ANAPC10: variants seen among roughly 807,000 people sequenced by gnomAD.
ANAPC10 encodes anaphase-promoting complex subunit 10.
In ANAPC10, 12 loss-of-function variants were observed where a neutral mutation model predicts 22.0. The observed-to-expected ratio is 0.55, with a 90% CI of 0.35 to 0.88. The LOEUF is 0.88. Among genes scored for constraint, ANAPC10 ranks in the 40% least tolerant of loss-of-function variants. ANAPC10 has a pLI of 0.01. For synonymous variants in ANAPC10, 65 were observed against 69.5 expected (o/e 0.94, Z 0.32); for missense variants, 188 against 220.9 (o/e 0.85, Z 0.94).
intron 4 of ANAPC10, among the ~76,000 whole-genome samples, chr4:145,015,150 C>G (rs901710780): frequency 6.6e-6 from 1 of 151,660 alleles, no homozygotes; most frequent in Admixed American, 6.6e-5. Context: ...CGAGAGGCAC[C>G]AGAGAAAGGC....
At chr4:145,079,931 T>C (rs569851742) in intron 3 of ANAPC10, among the ~76,000 whole-genome samples, 1 of 151,944 alleles carries the variant, frequency 6.6e-6, no homozygotes, top group African/African-American at 2.4e-5. Flanking sequence ...CTGGCCAACA[T>C]GGTGAAACCT....
At chr4:145,044,403 TTCTC>T (rs1490367201) in intron 4 of ANAPC10, among the ~76,000 whole-genome samples, 4 of 152,084 alleles carry the variant, frequency 2.6e-5, no homozygotes, top group African/African-American at 7.2e-5. Flanking sequence ...AAATGTGTGT[TTCTC>T]TCTAACGTTT....
At chr4:144,998,540 G>T (rs957339346) in intron 4 of ANAPC10, among the ~76,000 whole-genome samples, 9 of 152,134 alleles carry the variant, frequency 5.9e-5, no homozygotes, top group Non-Finnish European at 1.0e-4. Flanking sequence ...CAAAATGAAG[G>T]CAGAAATAAA....
chr4:145,049,201 T>C (rs950076534), intron 4 of ANAPC10, among the ~76,000 whole-genome samples: 4 of 152,214 alleles, frequency 2.6e-5, no homozygotes, highest in African/African-American at 9.6e-5. Flanking sequence ...AGGCAGAGTA[T>C]CTCACCTTAA....
At position 145,081,757 on chromosome 4, in the gene ANAPC10, A is replaced by G. The variant is rs1453348981; in HGVS notation, c.116-7T>C. ...AACTGATCCACTCCAAATCCTAAAA[A>G]CACCAAAAGTGTCAATAAATCCCTG... On this transcript the variant is annotated splice_polypyrimidine_tract_variant and splice_region_variant and intron_variant, in intron 2 of 4. Transcript: ENST00000507656. 2 of 1,600,476 alleles carry G rather than the reference A, an allele frequency of 1.2e-6. No individual in the cohort carries two copies. Among genetic ancestry groups the G allele is most frequent in the Non-Finnish European group, 1.7e-6 (2 of 1,169,894 alleles).
At chr4:145,027,629 G>A (rs965790220) in intron 4 of ANAPC10, among the ~76,000 whole-genome samples, 12 of 152,150 alleles carry the variant, frequency 7.9e-5, no homozygotes, top group African/African-American at 2.9e-4. Context: ...GAGAAAAATA[G>A]ATCACATGCA....
chr4:145,030,586 G>A (rs542078761), intron 4 of ANAPC10, among the ~76,000 whole-genome samples: 1 of 152,258 alleles, frequency 6.6e-6, no homozygotes, highest in East Asian at 1.9e-4. Flanking sequence ...GCTTAGGTCT[G>A]ACTTACACTG....
chr4:145,042,323 A>G (rs893141489), intron 4 of ANAPC10, among the ~76,000 whole-genome samples: 8 of 152,190 alleles, frequency 5.3e-5, no homozygotes, highest in Non-Finnish European at 1.0e-4. Flanking sequence ...TGACTAACTC[A>G]TAACAATACT....
intron 4 of ANAPC10, among the ~76,000 whole-genome samples, chr4:145,005,689 C>G (rs148351709): frequency 6.6e-6 from 1 of 152,216 alleles, no homozygotes; most frequent in Non-Finnish European, 1.5e-5. Context: ...CAAATAATTT[C>G]TTGATTTCTG....
intron 4 of ANAPC10, among the ~76,000 whole-genome samples, chr4:145,005,268 C>G (rs1733167213): frequency 6.6e-6 from 1 of 152,056 alleles, no homozygotes; most frequent in African/African-American, 2.4e-5. Context: ...AAGAGGGGTT[C>G]ATAATAGTCT....
At chr4:145,076,118 G>C (rs1285057577) in intron 3 of ANAPC10, among the ~76,000 whole-genome samples, 1 of 152,222 alleles carries the variant, frequency 6.6e-6, no homozygotes, top group East Asian at 1.9e-4. Flanking sequence ...CCAACAGAAA[G>C]CTTTAGCAGA....
At chr4:145,007,712 A>T (rs1733617027) in intron 4 of ANAPC10, among the ~76,000 whole-genome samples, 1 of 152,228 alleles carries the variant, frequency 6.6e-6, no homozygotes, top group African/African-American at 2.4e-5. Context: ...CTAAATGCCC[A>T]CAAGAGAAAG....
chr4:145,097,236 T>C, intron 1 of ANAPC10: 1 of 323,944 alleles, frequency 3.1e-6, no homozygotes, highest in Admixed American at 4.2e-5. Flanking sequence ...ATGTTAAAAG[T>C]TCACTTACAT....
chr4:145,081,837 A>T, intron 2 of ANAPC10, 87 bp from the exon 3 acceptor site: 1 of 931,290 alleles, frequency 1.1e-6, no homozygotes, highest in Non-Finnish European at 1.7e-6. Context: ...GTATTTGTCC[A>T]GAAATTTTGA....
At chr4:145,063,897 T>C (rs766628132) in intron 4 of ANAPC10, 1 of 152,112 alleles carries the variant, frequency 6.6e-6, no homozygotes. Flanking sequence ...TCATATGACA[T>C]TGTAAAACAG....
intron 4 of ANAPC10, among the ~76,000 whole-genome samples, chr4:144,999,952 A>G (rs1732251868): frequency 6.6e-6 from 1 of 152,222 alleles, no homozygotes; most frequent in Non-Finnish European, 1.5e-5. Flanking sequence ...AGAAATGGGG[A>G]AAGGATTCTC....
intron 4 of ANAPC10, among the ~76,000 whole-genome samples, chr4:145,062,417 C>T (rs1743029165): frequency 6.6e-6 from 1 of 151,420 alleles, no homozygotes; most frequent in South Asian, 2.1e-4. Context: ...ACCAACCTGG[C>T]CAAAACAGCG....
chr4:145,009,533 C>G (rs1733963253), intron 4 of ANAPC10, among the ~76,000 whole-genome samples: 1 of 152,188 alleles, frequency 6.6e-6, no homozygotes, highest in African/African-American at 2.4e-5. Flanking sequence ...CTACAACCAT[C>G]TGATGTTTGA....
At chr4:144,997,565 GA>G (rs1731814793) in intron 4 of ANAPC10, among the ~76,000 whole-genome samples, 1 of 152,150 alleles carries the variant, frequency 6.6e-6, no homozygotes, top group Admixed American at 6.5e-5. Flanking sequence ...TGCCTTACAA[GA>G]GTTCCTGAAG....
Sources: gnomAD v4.1 joint callset for allele counts (sites outside exome capture counted in the v4.1 genomes callset) on GRCh38, gnomAD v4.1.1 for gene constraint, MANE v1.5 for transcripts, NCBI Gene and HGNC (gene_info 2026-07-23, HGNC 2026-07-21) for gene names.